ARHGAP26: variants seen among roughly 807,000 people sequenced by gnomAD.
The protein encoded by ARHGAP26 is Rho GTPase activating protein 26, also known as rho GTPase-activating protein 26.
A neutral mutation model predicts 104.8 loss-of-function variants in ARHGAP26; 38 were observed. That is an observed-to-expected ratio of 0.36 (90% CI 0.28 to 0.48). The LOEUF (loss-of-function observed/expected upper bound fraction) is 0.48. Ranked by LOEUF, ARHGAP26 falls within the 20% of genes least tolerant of loss-of-function variation. ARHGAP26 has a pLI of 0.99. For missense variants in ARHGAP26, 704 were observed against 947.9 expected, an observed-to-expected ratio of 0.74 and a Z score of 3.38; for synonymous variants, 341 against 340.0, an observed-to-expected ratio of 1.00 and a Z score of -0.03.
Position 143,000,677 on chromosome 5 carries a change from C to T in ARHGAP26, c.1108-13403C>T, listed in dbSNP as rs189493347. Among the ~76,000 whole-genome samples the T allele has an allele frequency of 1.6e-4, 24 of 152,306 alleles. No homozygotes were observed. The East Asian group carries it at 4.6e-3, about 29-fold the overall frequency. On this transcript the variant is annotated intron_variant, in intron 11 of 22. Coordinates refer to ENST00000645722, the MANE Select transcript of ARHGAP26 (RefSeq NM_001135608.3). Reference sequence around the variant, plus strand: ...ATAAAGAAAATGGGGCACATATACACCATGGAATACTATGCAGCCATAAAA... The same window carrying T: ...ATAAAGAAAATGGGGCACATATACATCATGGAATACTATGCAGCCATAAAA...
rs139829859 is a variant in ARHGAP26, at chr5:143,184,296, G to A, written c.1989-22902G>A. ...TGAAATACTCATTACAAATATTCAGGCCTCCCCCTAACCTGAATTAATGTA... is the reference window on the plus strand; with the variant it reads ...TGAAATACTCATTACAAATATTCAGACCTCCCCCTAACCTGAATTAATGTA... On this transcript the variant is annotated intron_variant, in intron 20 of 22. Transcript: ENST00000645722. 3.4e-3 allele frequency among the ~76,000 whole-genome samples: 513 copies of A among 152,178 alleles called. 2 individuals carry two copies. Among genetic ancestry groups the A allele is most frequent in the African/African-American group, 0.012 (498 of 41,514 alleles).
intron 10 of ARHGAP26, among the ~76,000 whole-genome samples, chr5:142,925,922 G>T (rs1347089471): frequency 2.0e-5 from 3 of 152,188 alleles, no homozygotes; most frequent in African/African-American, 7.2e-5. Flanking sequence ...TAAATTCTGA[G>T]TGTTTTTGTT....
At chr5:143,202,021 G>T (rs1807818109) in intron 20 of ARHGAP26, among the ~76,000 whole-genome samples, 1 of 152,170 alleles carries the variant, frequency 6.6e-6, no homozygotes, top group Non-Finnish European at 1.5e-5. Context: ...GGGTGGTAAA[G>T]TCTCCCACTA....
intron 19 of ARHGAP26, among the ~76,000 whole-genome samples, chr5:143,143,947 G>GA (rs1339562647): frequency 6.6e-6 from 1 of 152,196 alleles, no homozygotes; most frequent in African/African-American, 2.4e-5. Flanking sequence ...CTGAGGTCTT[G>GA]TTTTCTGTGA....
chr5:142,989,340 C>G (rs1490180262), intron 11 of ARHGAP26, among the ~76,000 whole-genome samples: 1 of 152,050 alleles, frequency 6.6e-6, no homozygotes, highest in East Asian at 1.9e-4. Flanking sequence ...TTTCCATTTG[C>G]TTGGTAGATC....
intron 9 of ARHGAP26, among the ~76,000 whole-genome samples, chr5:142,910,378 G>T (rs1359467565): frequency 2.0e-5 from 3 of 152,194 alleles, no homozygotes; most frequent in Non-Finnish European, 2.9e-5. Flanking sequence ...AGGACTGGCT[G>T]TCTAGAGGTG....
chr5:142,982,745 T>C (rs951655530), intron 11 of ARHGAP26, among the ~76,000 whole-genome samples: 1 of 152,234 alleles, frequency 6.6e-6, no homozygotes, highest in Admixed American at 6.5e-5. Context: ...TTAGTCAGAC[T>C]AGCTCCAAAT....
intron 12 of ARHGAP26, among the ~76,000 whole-genome samples, chr5:143,023,850 C>T (rs181860453): frequency 1.9e-4 from 29 of 152,344 alleles, no homozygotes; most frequent in African/African-American, 5.8e-4. Context: ...TGCCTCCCTC[C>T]CTTGCCTGCG....
In ARHGAP26 at chr5:142,885,406, G is replaced by A. The variant is rs757940290; in HGVS notation, c.486+7G>A. The A allele has an allele frequency of 3.4e-5, 54 of 1,605,676 alleles. No individual in the cohort carries two copies. The South Asian group carries it at 5.6e-4, about 17-fold the overall frequency. On this transcript the variant is annotated splice_region_variant and intron_variant, in intron 5 of 22. Transcript: ENST00000645722. ...AGAATCTCAGCTTCAGGAGGTAAGA[G>A]ACTTTATTAGTATCCTGAATAAAGT...
chr5:142,996,690 T>A (rs1023342925), intron 11 of ARHGAP26, among the ~76,000 whole-genome samples: 2 of 152,034 alleles, frequency 1.3e-5, no homozygotes, highest in Admixed American at 1.3e-4. Context: ...AGATTTGAGG[T>A]TAGGGGAAAT....
At chr5:142,849,915 A>G (rs901779093) in intron 1 of ARHGAP26, among the ~76,000 whole-genome samples, 3 of 151,614 alleles carry the variant, frequency 2.0e-5, no homozygotes, top group Middle Eastern at 3.2e-3. Flanking sequence ...TCACCCAGTT[A>G]GTCCCCAAAC....
At chr5:143,001,123 C>A (rs1777138893) in intron 11 of ARHGAP26, among the ~76,000 whole-genome samples, 1 of 151,384 alleles carries the variant, frequency 6.6e-6, no homozygotes, top group Non-Finnish European at 1.5e-5. Context: ...CTAGAATAAG[C>A]AAAACTAATT....
rs1405353682 is a variant in ARHGAP26 at position 142,985,553 on chromosome 5, C to T, written c.1108-28527C>T. On this transcript the variant is annotated intron_variant, in intron 11 of 22. Transcript: ENST00000645722. Reference sequence around the variant, plus strand: ...TAAGTTCTAGGGTACATGTGCACAACGTGCAGGTTTGTTACATATGTATAC... The same window carrying T: ...TAAGTTCTAGGGTACATGTGCACAATGTGCAGGTTTGTTACATATGTATAC... 5.3e-5 allele frequency among the ~76,000 whole-genome samples: 8 copies of T among 151,756 alleles called. No homozygotes were observed. The East Asian group carries it at 7.7e-4, about 15-fold the overall frequency.
At chr5:142,928,291 A>G (rs1280412593) in intron 10 of ARHGAP26, among the ~76,000 whole-genome samples, 1 of 150,312 alleles carries the variant, frequency 6.7e-6, no homozygotes, top group African/African-American at 2.5e-5. Flanking sequence ...TTTAAGACAG[A>G]TAAAACATGG....
chr5:143,035,935 CAAAAAAAAAA>C (rs10713064), intron 12 of ARHGAP26, among the ~76,000 whole-genome samples: 1 of 78,098 alleles, frequency 1.3e-5, no homozygotes, highest in Non-Finnish European at 2.6e-5. Context: ...GACCTTGTCT[CAAAAAAAAAA>C]AAAAAAAAAA....
At chr5:143,195,596 TACTGTAATAAGTTTC>T (rs1318739493) in intron 20 of ARHGAP26, among the ~76,000 whole-genome samples, 1 of 152,196 alleles carries the variant, frequency 6.6e-6, no homozygotes, top group Admixed American at 6.5e-5. Context: ...ACCATTGATT[TACTGTAATAAGTTTC>T]CCAAAATAAA....
At chr5:143,140,665 C>T (rs1798408040) in intron 19 of ARHGAP26, among the ~76,000 whole-genome samples, 1 of 151,944 alleles carries the variant, frequency 6.6e-6, no homozygotes, top group South Asian at 2.1e-4. Flanking sequence ...GCAGATTCCC[C>T]CCGGCCCCTG....
intron 12 of ARHGAP26, among the ~76,000 whole-genome samples, chr5:143,033,815 G>C (rs1782230603): frequency 6.6e-6 from 1 of 152,180 alleles, no homozygotes; most frequent in Admixed American, 6.5e-5. Context: ...GCTATGAAAA[G>C]ATGATCTTAA....
intron 14 of ARHGAP26, among the ~76,000 whole-genome samples, chr5:143,050,516 T>TGCATTTCTTTTTTTATGCCCCTTATTTCC (rs1290774588): frequency 6.6e-6 from 1 of 152,262 alleles, no homozygotes; most frequent in Non-Finnish European, 1.5e-5. Context: ...CTTGAATGTC[T>TGCATTTCTTTTTTTATGCCCCTTATTTCC]GCATTTCTTT....
Sources: gnomAD v4.1 joint callset for allele counts (sites outside exome capture counted in the v4.1 genomes callset) on GRCh38, gnomAD v4.1.1 for gene constraint, MANE v1.5 for transcripts, NCBI Gene and HGNC (gene_info 2026-07-23, HGNC 2026-07-21) for gene names.